Variants in MIR2052HG observed in about 807,000 individuals in gnomAD.
MIR2052HG encodes the protein MIR2052 host gene.
chr8:74,635,930 A>T (rs1330700287), intron 2 of MIR2052HG, among the ~76,000 whole-genome samples: 3 of 152,206 alleles, frequency 2.0e-5, no homozygotes, highest in Admixed American at 1.3e-4. Context: ...TAAAATAATG[A>T]CATATTAAGT....
intron 4 of MIR2052HG, chr8:74,705,689 G>C (rs893841601): frequency 1.8e-5 from 3 of 170,260 alleles, no homozygotes; most frequent in Non-Finnish European, 4.4e-5. Flanking sequence ...AGAAAAGCTG[G>C]TTGCTGTTTT....
chr8:74,715,864 C>A (rs1371242285), intron 4 of MIR2052HG, among the ~76,000 whole-genome samples: 2 of 152,202 alleles, frequency 1.3e-5, no homozygotes, highest in Admixed American at 1.3e-4. Flanking sequence ...GAAATCATGT[C>A]ATCTACTTCT....
intron 2 of MIR2052HG, among the ~76,000 whole-genome samples, chr8:74,670,988 T>C (rs1018276116): frequency 4.6e-5 from 7 of 152,008 alleles, no homozygotes; most frequent in African/African-American, 1.7e-4. Flanking sequence ...TTAGGAGATA[T>C]TTCATGGACC....
In MIR2052HG at chr8:74,744,020, G is replaced by C. The variant is rs185898490; in HGVS notation, n.372-8421G>C. Reference sequence around the variant, plus strand: ...TTTCAAATAAATTATAAAAGTAAAAGCTGTAATTAATACAAACATCTCAAG... The same window carrying C: ...TTTCAAATAAATTATAAAAGTAAAACCTGTAATTAATACAAACATCTCAAG... On this transcript the variant is annotated intron_variant and non_coding_transcript_variant, in intron 4 of 6. Coordinates refer to ENST00000523442, the Ensembl canonical transcript of MIR2052HG. 4.5e-3 allele frequency among the ~76,000 whole-genome samples: 684 copies of C among 152,228 alleles called. 3 individuals carry two copies. The highest frequency in any genetic ancestry group is 7.4e-3 in the Non-Finnish European group (504 of 67,998).
At chr8:74,678,036 A>C (rs905668656) in intron 2 of MIR2052HG, among the ~76,000 whole-genome samples, 1 of 152,180 alleles carries the variant, frequency 6.6e-6, no homozygotes, top group Non-Finnish European at 1.5e-5. Context: ...TATTAACAAA[A>C]TAGATGAATT....
At chr8:74,698,155 T>A (rs548791912) in intron 2 of MIR2052HG, among the ~76,000 whole-genome samples, 1 of 152,180 alleles carries the variant, frequency 6.6e-6, no homozygotes, top group East Asian at 1.9e-4. Context: ...GTACTAAAAA[T>A]AGGCACACAA....
At chr8:74,643,034 T>C (rs1407354016) in intron 2 of MIR2052HG, among the ~76,000 whole-genome samples, 1 of 152,170 alleles carries the variant, frequency 6.6e-6, no homozygotes, top group Non-Finnish European at 1.5e-5. Flanking sequence ...ATTGGCAAAA[T>C]TACATTCGTA....
chr8:74,746,630 A>G (rs1313547488), intron 4 of MIR2052HG, among the ~76,000 whole-genome samples: 2 of 147,158 alleles, frequency 1.4e-5, no homozygotes, highest in African/African-American at 5.0e-5. Context: ...AAGAGAGAAT[A>G]TTTACATTTG....
At chr8:74,699,666 G>T (rs182196091) in intron 2 of MIR2052HG, among the ~76,000 whole-genome samples, 1 of 151,996 alleles carries the variant, frequency 6.6e-6, no homozygotes, top group Non-Finnish European at 1.5e-5. Context: ...AGGGATAAAA[G>T]ACGACATATT....
intron 2 of MIR2052HG, among the ~76,000 whole-genome samples, chr8:74,667,240 G>T (rs1486731661): frequency 6.6e-6 from 1 of 152,156 alleles, no homozygotes; most frequent in Non-Finnish European, 1.5e-5. Context: ...CATCTTTGGA[G>T]CCTGGCTGTC....
intron 2 of MIR2052HG, among the ~76,000 whole-genome samples, chr8:74,658,239 T>A (rs1312495506): frequency 6.6e-6 from 1 of 152,148 alleles, no homozygotes; most frequent in Non-Finnish European, 1.5e-5. Flanking sequence ...TGCCCTGACT[T>A]TTTTCATTCA....
At chr8:74,648,696 C>G (rs1808720071) in intron 2 of MIR2052HG, among the ~76,000 whole-genome samples, 1 of 152,064 alleles carries the variant, frequency 6.6e-6, no homozygotes, top group Non-Finnish European at 1.5e-5. Flanking sequence ...TAGAAAGAAC[C>G]TACATTGAAA....
intron 2 of MIR2052HG, among the ~76,000 whole-genome samples, chr8:74,626,205 G>A (rs909686303): frequency 6.6e-6 from 1 of 152,136 alleles, no homozygotes. Flanking sequence ...TTTGCTGCCA[G>A]CAATTATCAC....
At chr8:74,692,210 C>T (rs1465480273) in intron 2 of MIR2052HG, among the ~76,000 whole-genome samples, 3 of 152,190 alleles carry the variant, frequency 2.0e-5, no homozygotes, top group Non-Finnish European at 2.9e-5. Context: ...CATGCCTCAG[C>T]TCCCCAAGTA....
At chr8:74,602,877 T>C (rs72667557) in intron 1 of MIR2052HG, among the ~76,000 whole-genome samples, 16,919 of 50,018 alleles carry the variant, frequency 0.34, 1,546 homozygotes, top group East Asian at 0.45. Context: ...TTCTTTCTTT[T>C]TTCTATTCAC....
intron 2 of MIR2052HG, among the ~76,000 whole-genome samples, chr8:74,669,546 A>G (rs1373522296): frequency 2.0e-5 from 3 of 152,164 alleles, no homozygotes; most frequent in African/African-American, 2.4e-5. Context: ...TTTCCTTTCC[A>G]AGAATCAAAT....
At chr8:74,682,625 A>C (rs269181) in intron 2 of MIR2052HG, among the ~76,000 whole-genome samples, 24,411 of 152,090 alleles carry the variant, frequency 0.16, 2,653 homozygotes, top group Middle Eastern at 0.29. Context: ...TAACACACAC[A>C]AGTTGCCAAA....
chr8:74,603,676 G>A, intron 1 of MIR2052HG: 1 of 1,038,190 alleles, frequency 9.6e-7, no homozygotes, highest in Non-Finnish European at 1.5e-6. Flanking sequence ...CTGACCGCCT[G>A]CAAAGATGAC....
At chr8:74,740,728 A>T (rs947202822) in intron 4 of MIR2052HG, among the ~76,000 whole-genome samples, 1 of 152,224 alleles carries the variant, frequency 6.6e-6, no homozygotes, top group Non-Finnish European at 1.5e-5. Flanking sequence ...CCAGATGCCA[A>T]GTTGAATACA....
Sources: allele counts gnomAD v4.1 joint callset (sites outside exome capture counted in the v4.1 genomes callset), GRCh38; gene constraint gnomAD v4.1.1; transcripts MANE v1.5; gene names NCBI Gene and HGNC (gene_info 2026-07-23, HGNC 2026-07-21).